Variants in CELF2 observed in about 807,000 individuals in gnomAD.
The protein encoded by CELF2 is CUG triplet repeat RNA-binding protein 2.
Under a neutral mutation model 62.6 loss-of-function variants are expected in CELF2, and 8 were observed. The observed-to-expected ratio is 0.13, with a 90% CI of 0.07 to 0.23. The LOEUF (loss-of-function observed/expected upper bound fraction) is 0.23, where lower values mean the gene tolerates loss of function less well. CELF2 is among the 10% of genes least tolerant of loss of function. CELF2 has a pLI of 1.00. For missense variants in CELF2, 333 were observed against 671.0 expected (o/e 0.50, Z 5.56); for synonymous variants, 258 against 250.0 (o/e 1.03, Z -0.30).
At chr10:11,301,681 A>C (rs888835542) in intron 9 of CELF2, among the ~76,000 whole-genome samples, 6 of 150,318 alleles carry the variant, frequency 4.0e-5, no homozygotes, top group Non-Finnish European at 7.4e-5. Flanking sequence ...GAGCTGCATC[A>C]GAGGAACGGA....
the CELF2 span, among the ~76,000 whole-genome samples, chr10:10,560,944 C>T: frequency 6.7e-6 from 1 of 150,098 alleles, no homozygotes; most frequent in Non-Finnish European, 1.5e-5. Context: ...TATGTTCTCA[C>T]TGATATGTGG....
chr10:10,531,576 A>G, the CELF2 span, among the ~76,000 whole-genome samples: 1 of 151,862 alleles, frequency 6.6e-6, no homozygotes, highest in Admixed American at 6.6e-5. Flanking sequence ...CCCCTCCTTT[A>G]TCTCCCACAC....
chr10:10,543,183 G>A, the CELF2 span, among the ~76,000 whole-genome samples: 2 of 152,274 alleles, frequency 1.3e-5, no homozygotes, highest in East Asian at 3.9e-4. Flanking sequence ...CTGGTGGCTG[G>A]GGAGCCAAGG....
chr10:10,822,103 G>C (rs2057011199), intron 1 of CELF2, among the ~76,000 whole-genome samples: 1 of 152,170 alleles, frequency 6.6e-6, no homozygotes, highest in South Asian at 2.1e-4. Context: ...TGGCCGCCTG[G>C]CAGGTACCAC....
At chr10:10,617,306 G>A in the CELF2 span, among the ~76,000 whole-genome samples, 3 of 152,156 alleles carry the variant, frequency 2.0e-5, no homozygotes, top group Non-Finnish European at 1.5e-5. Flanking sequence ...TTCTTGGGGT[G>A]AGTCATATAA....
At chr10:11,148,398 G>C (rs551468100) in intron 1 of CELF2, among the ~76,000 whole-genome samples, 1 of 152,218 alleles carries the variant, frequency 6.6e-6, no homozygotes, top group Non-Finnish European at 1.5e-5. Context: ...GTAAATATTA[G>C]TAGTGAGTTT....
At chr10:10,538,980 A>G in the CELF2 span, among the ~76,000 whole-genome samples, 1 of 152,268 alleles carries the variant, frequency 6.6e-6, no homozygotes, top group Non-Finnish European at 1.5e-5. Context: ...AGAGCAGGAA[A>G]GTGAAAAGTA....
At chr10:10,482,427 TG>T in the CELF2 span, among the ~76,000 whole-genome samples, 3 of 152,254 alleles carry the variant, frequency 2.0e-5, no homozygotes, top group African/African-American at 7.2e-5. Flanking sequence ...AGGAGTTGGC[TG>T]TAAATGGTCA....
chr10:11,129,889 C>T (rs2059353631), intron 1 of CELF2, among the ~76,000 whole-genome samples: 3 of 152,124 alleles, frequency 2.0e-5, no homozygotes, highest in Admixed American at 2.0e-4. Flanking sequence ...CTGCTCTGAT[C>T]TTAGTTATTT....
the CELF2 span, among the ~76,000 whole-genome samples, chr10:10,578,418 A>G: frequency 4.1e-4 from 63 of 152,184 alleles, no homozygotes; most frequent in Admixed American, 9.2e-4. Context: ...TTGGTGTTTT[A>G]GACATGAAGT....
At chr10:10,652,882 T>A in the CELF2 span, among the ~76,000 whole-genome samples, 5 of 152,178 alleles carry the variant, frequency 3.3e-5, no homozygotes, top group East Asian at 7.7e-4. Flanking sequence ...ATATTAACTT[T>A]AAATGGATTA....
intron 2 of CELF2, among the ~76,000 whole-genome samples, chr10:10,924,281 C>CA (rs11415164): frequency 0.23 from 10,425 of 44,508 alleles, 2,989 homozygotes; most frequent in Non-Finnish European, 0.32. Context: ...GACTCCGTCC[C>CA]AAAAAAAAAA....
intron 1 of CELF2, among the ~76,000 whole-genome samples, chr10:11,113,305 C>T (rs566488271): frequency 1.3e-5 from 2 of 152,096 alleles, no homozygotes; most frequent in African/African-American, 4.8e-5. Flanking sequence ...TTAAATTCAC[C>T]GAGGATAGCA....
At chr10:11,327,561 A>C (rs2095817982) in intron 12 of CELF2, among the ~76,000 whole-genome samples, 1 of 152,104 alleles carries the variant, frequency 6.6e-6, no homozygotes, top group African/African-American at 2.4e-5. Context: ...GTTCCTTCCT[A>C]GTTCTTAGCC....
intron 1 of CELF2, among the ~76,000 whole-genome samples, chr10:11,119,655 A>G (rs746562210): frequency 6.6e-6 from 1 of 152,184 alleles, no homozygotes; most frequent in Non-Finnish European, 1.5e-5. Context: ...CAAAAACCCT[A>G]GGAAAAAAAT....
At chr10:10,578,653 C>A in the CELF2 span, among the ~76,000 whole-genome samples, 1 of 152,070 alleles carries the variant, frequency 6.6e-6, no homozygotes, top group South Asian at 2.1e-4. Context: ...CACACCCCAG[C>A]CCCAAAATCT....
the CELF2 span, among the ~76,000 whole-genome samples, chr10:10,597,485 A>C: frequency 1.3e-5 from 2 of 152,352 alleles, no homozygotes; most frequent in South Asian, 2.1e-4. Context: ...GACAAGCCAC[A>C]CTTCCAAGTC....
the CELF2 span, among the ~76,000 whole-genome samples, chr10:10,651,531 A>T: frequency 5.3e-5 from 5 of 94,326 alleles, 1 homozygote; most frequent in East Asian, 2.3e-4. Context: ...TCTGAGAACC[A>T]GCAGACTGCC....
At chr10:11,174,446 A>G (rs1291670655) in intron 2 of CELF2, among the ~76,000 whole-genome samples, 2 of 152,260 alleles carry the variant, frequency 1.3e-5, no homozygotes, top group African/African-American at 2.4e-5. Context: ...AGTGACAGAC[A>G]TGTTTCTAAT....
Sources: gnomAD v4.1 joint callset for allele counts (sites outside exome capture counted in the v4.1 genomes callset) on GRCh38, gnomAD v4.1.1 for gene constraint, MANE v1.5 for transcripts, NCBI Gene and HGNC (gene_info 2026-07-23, HGNC 2026-07-21) for gene names.